The following DLGAP4 variants were observed in gnomAD, a reference collection of about 807,000 sequenced individuals.
DLGAP4 encodes the protein disks large-associated protein 4.
A neutral mutation model predicts 86.9 loss-of-function variants in DLGAP4; 18 were observed. That is an observed-to-expected ratio of 0.21 (90% CI 0.14 to 0.31). The LOEUF is 0.31. Among genes scored for constraint, DLGAP4 ranks in the 10% least tolerant of loss-of-function variants. DLGAP4 has a pLI of 1.00. For missense variants in DLGAP4, 1,085 were observed against 1,362.6 expected (o/e 0.80, Z 3.21); for synonymous variants, 548 against 574.3 (o/e 0.95, Z 0.65).
chr20:36,465,367 G>A (rs2034303083), intron 7 of DLGAP4: 2 of 152,198 alleles, frequency 1.3e-5, no homozygotes, highest in Non-Finnish European at 2.9e-5. Flanking sequence ...CTGTTTCACA[G>A]GTGAATGAAA....
In DLGAP4 at chr20:36,431,266, A is replaced by G. The variant is rs1332870678; in HGVS notation, c.-72-380A>G. The stretch of plus-strand genomic sequence containing the variant: ...GGCTGGGGTATTTGCATCTATGTGG[A>G]CCCTCGGGGTGAGGGACAGAGTCAG... On this transcript the variant is annotated intron_variant, in intron 2 of 12. Coordinates refer to ENST00000339266, the MANE Select transcript of DLGAP4 (RefSeq NM_001365621.2). This position sits in a 1 kb window ranked among gnomAD's most constrained non-coding sequence, Gnocchi z 5.1. Among the ~76,000 whole-genome samples, 1 of 152,052 alleles carries G rather than the reference A, an allele frequency of 6.6e-6. No homozygotes were observed. The highest frequency in any genetic ancestry group is 1.5e-5 in the Non-Finnish European group (1 of 68,010).
chr20:36,416,248 A>C (rs1469400075), intron 2 of DLGAP4, among the ~76,000 whole-genome samples: 1 of 152,110 alleles, frequency 6.6e-6, no homozygotes, highest in African/African-American at 2.4e-5. Flanking sequence ...CAGCCTCCCA[A>C]CTAGCTGGGA....
intron 2 of DLGAP4, among the ~76,000 whole-genome samples, chr20:36,385,732 A>G (rs2031573041): frequency 6.6e-6 from 1 of 152,192 alleles, no homozygotes; most frequent in South Asian, 2.1e-4. Flanking sequence ...GTCATGCCTA[A>G]TTAGGCTGTC....
rs561346277 is a variant in DLGAP4, at chr20:36,350,577, A to G, written c.-303-16468A>G. Reference sequence around the variant, plus strand: ...TCATTTCCCTGGGGTGAATCAGATGATACAATGGCTGACAAGGGCATGCCC... The same window carrying G: ...TCATTTCCCTGGGGTGAATCAGATGGTACAATGGCTGACAAGGGCATGCCC... On this transcript the variant is annotated intron_variant, in intron 1 of 12. Transcript: ENST00000339266. The surrounding 1 kb of genome is among the most constrained non-coding windows in gnomAD (Gnocchi z 4.4). Among the ~76,000 whole-genome samples, 3 of 152,334 alleles carry G rather than the reference A, an allele frequency of 2.0e-5. No homozygotes were observed. Among genetic ancestry groups the G allele is most frequent in the East Asian group, 3.9e-4 (2 of 5,178 alleles).
chr20:36,465,908 C>A (rs1187352445), intron 7 of DLGAP4, among the ~76,000 whole-genome samples: 2 of 152,150 alleles, frequency 1.3e-5, no homozygotes, highest in Non-Finnish European at 2.9e-5. Flanking sequence ...CCCCTAGAGG[C>A]CCACACTGTC....
At chr20:36,369,299 C>T (rs1386132921) in intron 2 of DLGAP4, among the ~76,000 whole-genome samples, 3 of 152,080 alleles carry the variant, frequency 2.0e-5, no homozygotes, top group African/African-American at 7.2e-5. Flanking sequence ...AACTTATTAA[C>T]ATAGTAATGG....
chr20:36,317,601 A>G (rs1273210905), intron 1 of DLGAP4, among the ~76,000 whole-genome samples: 16 of 138,362 alleles, frequency 1.2e-4, no homozygotes, highest in Middle Eastern at 7.1e-3. Flanking sequence ...TTACAGTTGC[A>G]CATCACCATG....
At position 36,446,788 on chromosome 20, in the gene DLGAP4, T is replaced by G; in HGVS notation, c.1499T>G (p.Leu500Trp). 1 of 1,612,782 alleles carries G rather than the reference T, an allele frequency of 6.2e-7. No homozygotes were observed. Among genetic ancestry groups the G allele is most frequent in the Non-Finnish European group, 8.5e-7 (1 of 1,179,812 alleles). ...TCCACAGCGGCAGAGACGCTTGACT[T>G]GCCACTGCCCAGCTACTTCCGCTCC... is the stretch of plus-strand genomic sequence containing the variant. ...AESTAAETLDLPLPSYFRSRS... is the reference protein window; with the variant it reads ...AESTAAETLDWPLPSYFRSRS... Residue 500 changes from leucine to tryptophan, a missense_variant, in exon 7 of 13, where the codon TTG (leucine) becomes TGG (tryptophan). Around this residue, in one of 2 missense-constraint regions of DLGAP4, gnomAD observed 1,082 missense variants for 1,344.1 expected, o/e 0.81. Coordinates refer to ENST00000339266, the MANE Select transcript of DLGAP4 (RefSeq NM_001365621.2).
intron 1 of DLGAP4, among the ~76,000 whole-genome samples, chr20:36,313,931 C>T (rs1018463725): frequency 2.0e-5 from 3 of 152,134 alleles, no homozygotes; most frequent in Non-Finnish European, 2.9e-5. Flanking sequence ...GTTGGGGTTG[C>T]CTTACCCTTC....
At chr20:36,377,594 G>A (rs894688616) in intron 2 of DLGAP4, among the ~76,000 whole-genome samples, 1 of 152,182 alleles carries the variant, frequency 6.6e-6, no homozygotes, top group Non-Finnish European at 1.5e-5. Context: ...TCATCAGGGT[G>A]CTCCTGCCTG....
At chr20:36,347,286 A>G (rs1411090360) in intron 1 of DLGAP4, among the ~76,000 whole-genome samples, 2 of 152,130 alleles carry the variant, frequency 1.3e-5, no homozygotes, top group African/African-American at 4.8e-5. Context: ...AGGTAATAGG[A>G]TCAGATTAGA....
chr20:36,525,004 G>A (rs917920211), intron 11 of DLGAP4, among the ~76,000 whole-genome samples: 3 of 151,672 alleles, frequency 2.0e-5, no homozygotes, highest in Non-Finnish European at 4.4e-5. Flanking sequence ...AGATCATGAG[G>A]TCAGGAGATG....
At chr20:36,514,162 G>A (rs1241744120) in intron 10 of DLGAP4, among the ~76,000 whole-genome samples, 1 of 151,900 alleles carries the variant, frequency 6.6e-6, no homozygotes, top group Admixed American at 6.6e-5. Flanking sequence ...CGTTCTCAAG[G>A]GAGAATCCAG....
intron 2 of DLGAP4, among the ~76,000 whole-genome samples, chr20:36,369,987 T>C (rs1015402771): frequency 6.6e-6 from 1 of 152,054 alleles, no homozygotes; most frequent in Non-Finnish European, 1.5e-5. Context: ...GGAGGTGAGA[T>C]GAGAAACCAG....
rs1407998296 is a variant in DLGAP4 at position 36,457,270 on chromosome 20, G to A, written c.1648+10333G>A. Among the ~76,000 whole-genome samples, 9 of 151,890 alleles carry A rather than the reference G, an allele frequency of 5.9e-5. No homozygotes were observed. In the South Asian group the frequency reaches 8.3e-4, roughly 14 times the overall value. On this transcript the variant is annotated intron_variant, in intron 7 of 12. Transcript: ENST00000339266. The stretch of plus-strand genomic sequence containing the variant: ...GTCTCACTCTGTTACCCAGGCTGGC[G>A]TGCAGTAGCGAGATCTTGGCTCACT...
Position 36,499,675 on chromosome 20 carries a change from C to T in DLGAP4, c.2098C>T (p.Arg700Ter). 6.2e-7 allele frequency: 1 copy of T among 1,613,124 alleles called. No individual in the cohort carries two copies. The highest frequency in any genetic ancestry group is 1.1e-5 in the South Asian group (1 of 90,736). Reference sequence around the variant, plus strand: ...CGGGGTTCAGGTAGAGGACGACTGGCGGTAAGTCGGACAGAGGTGGCGGCT... The same window carrying T: ...CGGGGTTCAGGTAGAGGACGACTGGTGGTAAGTCGGACAGAGGTGGCGGCT... ...SIGVQVEDDW[R>*]SSVPSHSMSS... Residue 700 changes from arginine to a stop codon, truncating the protein, a stop_gained and splice_region_variant, in exon 9 of 13, where the codon CGA (arginine) becomes TGA (stop). Coordinates refer to ENST00000339266, the MANE Select transcript of DLGAP4 (RefSeq NM_001365621.2). LOFTEE classifies it high-confidence loss of function.
At chr20:36,436,432 T>G (rs985532891) in intron 4 of DLGAP4, 82 bp downstream of exon 4, 77 of 1,448,326 alleles carry the variant, frequency 5.3e-5, no homozygotes, top group Non-Finnish European at 6.5e-5. Context: ...GGAGGAGCCC[T>G]GCATTAAAAT....
At chr20:36,503,730 C>T (rs6014182) in intron 10 of DLGAP4, among the ~76,000 whole-genome samples, 84 of 152,126 alleles carry the variant, frequency 5.5e-4, no homozygotes, top group African/African-American at 2.0e-3. Flanking sequence ...CCTCATGATC[C>T]GCCCACCTCA....
intron 1 of DLGAP4, among the ~76,000 whole-genome samples, 170 bp from the exon 2 acceptor site, chr20:36,366,875 C>A (rs926963253): frequency 6.6e-6 from 1 of 152,130 alleles, no homozygotes; most frequent in East Asian, 1.9e-4. Flanking sequence ...TCACATGAGC[C>A]GGGATGCCAG....
Sources: gnomAD v4.1 joint callset for allele counts (sites outside exome capture counted in the v4.1 genomes callset) on GRCh38, gnomAD v4.1.1 for gene constraint, gnomAD v4.1.1 regional missense constraint, Gnocchi (gnomAD v3.1) non-coding constraint, MANE v1.5 for transcripts, NCBI Gene and HGNC (gene_info 2026-07-23, HGNC 2026-07-21) for gene names.